The following GREM1 variants were observed in gnomAD, a reference collection of about 807,000 sequenced individuals.
GREM1 encodes the protein gremlin-1.
In GREM1, 6 loss-of-function variants were observed where a neutral mutation model predicts 13.1. That is an observed-to-expected ratio of 0.46 (90% CI 0.25 to 0.91). The LOEUF (loss-of-function observed/expected upper bound fraction) is 0.91. Ranked by LOEUF, GREM1 falls within the 40% of genes least tolerant of loss-of-function variation. GREM1 has a pLI of 0.18. For synonymous variants in GREM1, 98 were observed against 93.7 expected, an observed-to-expected ratio of 1.05 and a Z score of -0.27; for missense variants, 185 against 233.9, an observed-to-expected ratio of 0.79 and a Z score of 1.36.
Position 32,723,626 on chromosome 15 carries a change from TA to T in GREM1, c.-2+5480del, listed in dbSNP as rs35877271. Among the ~76,000 whole-genome samples, 128,726 of 144,486 alleles carry T rather than the reference TA, an allele frequency of 0.89. 57,859 individuals carry two copies. The highest frequency in any genetic ancestry group is 0.99 in the East Asian group (4,976 of 5,008). The allele number at this position is 144,486 out of a possible 152,430, so 94.8% of individuals were successfully genotyped here. ...ATTTTGAGGAAAATGTACTTTTCTT[TA>T]AAAAAAAAAAAAAAGCCTGTCTGTC... is the stretch of plus-strand genomic sequence containing the variant. On this transcript the variant is annotated intron_variant, in intron 1 of 1. Transcript: ENST00000651154.
chr15:32,725,873 A>G (rs1595847645), intron 1 of GREM1, among the ~76,000 whole-genome samples: 2 of 152,038 alleles, frequency 1.3e-5, no homozygotes, highest in African/African-American at 2.4e-5. Context: ...GGTTTTCCCA[A>G]CGTTATTTAT....
At chr15:32,723,172 A>G (rs987012994) in intron 1 of GREM1, among the ~76,000 whole-genome samples, 2 of 152,250 alleles carry the variant, frequency 1.3e-5, no homozygotes, top group Admixed American at 6.5e-5. Flanking sequence ...AATTGTCCTC[A>G]AGAAATGTAC....
chr15:32,721,605 T>A (rs1172457982), intron 1 of GREM1, among the ~76,000 whole-genome samples: 1 of 151,970 alleles, frequency 6.6e-6, no homozygotes, highest in African/African-American at 2.4e-5. Flanking sequence ...AATACAAAAA[T>A]TAGCTGGGTG....
In GREM1 at chr15:32,733,914, A is replaced by C. The variant is rs1287696297; in HGVS notation, c.*2669A>C. ...TGTAGGTCTTCAAAGTTAAGAGTGT[A>C]AGTGAAAAATCTGGAGGAGAGGATA... On this transcript the variant is annotated 3_prime_UTR_variant, in exon 2 of 2. Transcript: ENST00000651154. The C allele has an allele frequency of 8.3e-6, 2 of 240,506 alleles. No individual in the cohort carries two copies. The highest frequency in any genetic ancestry group is 1.8e-5 in the Non-Finnish European group (2 of 113,416). The allele number at this position is 240,506 out of a possible 1,614,324, so 14.9% of individuals were successfully genotyped here.
At chr15:32,719,262 C>T (rs1209509952) in intron 1 of GREM1, among the ~76,000 whole-genome samples, 1 of 152,262 alleles carries the variant, frequency 6.6e-6, no homozygotes, top group African/African-American at 2.4e-5. Context: ...CGCGCCACCG[C>T]TCTCGCTTGG....
chr15:32,742,983 G>A lies in GREM1; in HGVS notation c.*11738G>A, dbSNP rs1173802276. 1 of 152,094 alleles carries A rather than the reference G, an allele frequency of 6.6e-6. No individual in the cohort carries two copies. Among genetic ancestry groups the A allele is most frequent in the African/African-American group, 2.4e-5 (1 of 41,402 alleles). The allele number at this position is 152,094 out of a possible 1,614,324, so 9.4% of individuals were successfully genotyped here. ...TGATTTCATGTACATAACAACAAAAGCACAGGTAATAAAAACAAAAATAGA... is the reference window on the plus strand; with the variant it reads ...TGATTTCATGTACATAACAACAAAAACACAGGTAATAAAAACAAAAATAGA... On this transcript the variant is annotated 3_prime_UTR_variant, in exon 2 of 2. Transcript: ENST00000651154.
At chr15:32,718,195 G>T in intron 1 of GREM1, 34 bp downstream of exon 1, 1 of 1,338,502 alleles carries the variant, frequency 7.5e-7, no homozygotes, top group Non-Finnish European at 9.8e-7. Context: ...GGATGTGAGT[G>T]GGCGGAGGGA....
chr15:32,731,196 G>A lies in GREM1; in HGVS notation c.506G>A (p.Arg169Lys). Residue 169 changes from arginine to lysine, a missense_variant, in exon 2 of 2, where the codon AGA (arginine) becomes AAA (lysine). Transcript: ENST00000651154. ...PELQPPTKKK[R>K]VTRVKQCRCI... ...CTACAGCCACCTACCAAGAAGAAGA[G>A]AGTCACACGTGTGAAGCAGTGTCGT... 6.2e-7 allele frequency: 1 copy of A among 1,614,148 alleles called. No individual in the cohort carries two copies.
At chr15:32,727,939 G>A (rs924691176) in intron 1 of GREM1, among the ~76,000 whole-genome samples, 1 of 152,130 alleles carries the variant, frequency 6.6e-6, no homozygotes, top group Non-Finnish European at 1.5e-5. Flanking sequence ...GGATGTGAAG[G>A]ACCTCTTCAA....
At chr15:32,729,190 A>ATT (rs11398589) in intron 1 of GREM1, among the ~76,000 whole-genome samples, 2 of 151,148 alleles carry the variant, frequency 1.3e-5, no homozygotes, top group Non-Finnish European at 3.0e-5. Flanking sequence ...CGCCCGGCTA[A>ATT]TTTTTTTGTA....
At chr15:32,728,716 G>A (rs954133891) in intron 1 of GREM1, among the ~76,000 whole-genome samples, 1 of 152,210 alleles carries the variant, frequency 6.6e-6, no homozygotes, top group African/African-American at 2.4e-5. Flanking sequence ...TCCAAAGAGA[G>A]AAGGAAAATG....
At position 32,725,082 on chromosome 15, in the gene GREM1, G is replaced by T. The variant is rs188899471; in HGVS notation, c.-1-5608G>T. Among the ~76,000 whole-genome samples the T allele has an allele frequency of 3.9e-5, 6 of 152,256 alleles. No individual in the cohort carries two copies. The East Asian group carries it at 1.2e-3, about 29-fold the overall frequency. On this transcript the variant is annotated intron_variant, in intron 1 of 1. Transcript: ENST00000651154. ...CTCCAAGTCTTTGCTATTATGACTA[G>T]TACTGCGATAAACATGTGTATATGT...
rs2055658385 is a variant in GREM1, at chr15:32,733,638, T to C, written c.*2393T>C. ...GTGCCTATATTAAGACTAGTACAAA[T>C]GTGGTGTGTCTTCCAACTTTCATTG... On this transcript the variant is annotated 3_prime_UTR_variant, in exon 2 of 2. Coordinates refer to ENST00000651154, the MANE Select transcript of GREM1 (RefSeq NM_013372.7). The C allele has an allele frequency of 8.8e-6, 2 of 227,792 alleles. No individual in the cohort carries two copies. Among genetic ancestry groups the C allele is most frequent in the Non-Finnish European group, 1.9e-5 (2 of 105,344 alleles). The allele number at this position is 227,792 out of a possible 1,614,324, so 14.1% of individuals were successfully genotyped here.
intron 1 of GREM1, among the ~76,000 whole-genome samples, chr15:32,729,243 C>T (rs2055568774): frequency 6.6e-6 from 1 of 151,996 alleles, no homozygotes. Context: ...CCAGGATGGT[C>T]TCGATCTCCT....
intron 1 of GREM1, among the ~76,000 whole-genome samples, chr15:32,722,408 C>T (rs1251566772): frequency 1.3e-5 from 2 of 152,178 alleles, no homozygotes; most frequent in Non-Finnish European, 2.9e-5. Context: ...ACTGTAATTC[C>T]TACTCAAAAC....
Position 32,745,023 on chromosome 15 carries a change from A to T in GREM1, c.*13778A>T, listed in dbSNP as rs2055794448. ...TTGTTTGGTTCTCATTAATTTTGAG[A>T]GAAAGGCAAGATAGATATTTAAATG... is the stretch of plus-strand genomic sequence containing the variant. On this transcript the variant is annotated 3_prime_UTR_variant, in exon 2 of 2. Transcript: ENST00000651154. 6.6e-6 allele frequency: 1 copy of T among 152,190 alleles called. No individual in the cohort carries two copies. The highest frequency in any genetic ancestry group is 2.4e-5 in the African/African-American group (1 of 41,452). 9.4% of individuals were successfully genotyped at this position (152,190 alleles called of 1,614,324 possible).
In GREM1 at chr15:32,730,675, G is replaced by T; in HGVS notation, c.-1-15G>T. 2.6e-6 allele frequency: 4 copies of T among 1,510,866 alleles called. No homozygotes were observed. Among genetic ancestry groups the T allele is most frequent in the African/African-American group, 1.4e-5 (1 of 71,620 alleles). 93.6% of individuals were successfully genotyped at this position (1,510,866 alleles called of 1,614,324 possible). On this transcript the variant is annotated splice_polypyrimidine_tract_variant and intron_variant, in intron 1 of 1. Transcript: ENST00000651154. ...ATGTTTTGTGTCTTCCCCTCTCTGTGCTTCCTTTCTTTAGTATGAGCCGCA... is the reference window on the plus strand; with the variant it reads ...ATGTTTTGTGTCTTCCCCTCTCTGTTCTTCCTTTCTTTAGTATGAGCCGCA...
At chr15:32,723,397 T>C (rs140611820) in intron 1 of GREM1, among the ~76,000 whole-genome samples, 78 of 152,218 alleles carry the variant, frequency 5.1e-4, no homozygotes, top group African/African-American at 1.8e-3. Context: ...CTGTCACTCA[T>C]GTAGAGCAGC....
rs926142376 is a variant in GREM1, at chr15:32,743,677, G to A, written c.*12432G>A. 6.6e-6 allele frequency: 1 copy of A among 152,156 alleles called. No homozygotes were observed. The highest frequency in any genetic ancestry group is 1.5e-5 in the Non-Finnish European group (1 of 68,034). The allele number at this position is 152,156 out of a possible 1,614,324, so 9.4% of individuals were successfully genotyped here. ...CACTTTCAATGTGGTGTACTCACGT[G>A]GCTGTTGGTTGGAGGCCAAATGTGC... On this transcript the variant is annotated 3_prime_UTR_variant, in exon 2 of 2. Transcript: ENST00000651154.
Sources: gnomAD v4.1 joint callset for allele counts (sites outside exome capture counted in the v4.1 genomes callset) on GRCh38, gnomAD v4.1.1 for gene constraint, MANE v1.5 for transcripts, NCBI Gene and HGNC (gene_info 2026-07-23, HGNC 2026-07-21) for gene names.